The following SMAD1 variants were observed in gnomAD, a reference collection of about 807,000 sequenced individuals.
SMAD1 encodes the protein SMAD family member 1.
Under a neutral mutation model 41.6 loss-of-function variants are expected in SMAD1, and 6 were observed. The observed-to-expected ratio is 0.14, with a 90% confidence interval of 0.08 to 0.28. The LOEUF (loss-of-function observed/expected upper bound fraction) is 0.28, where lower values mean the gene tolerates loss of function less well. Ranked by LOEUF, SMAD1 falls within the 10% of genes least tolerant of loss-of-function variation. SMAD1 has a pLI of 1.00. For synonymous variants in SMAD1, 206 were observed against 203.2 expected, an observed-to-expected ratio of 1.01 and a Z score of -0.12; for missense variants, 379 against 582.6, an observed-to-expected ratio of 0.65 and a Z score of 3.60.
intron 1 of SMAD1, chr4:145,503,861 G>A (rs1210626567): frequency 1.3e-5 from 2 of 152,256 alleles, no homozygotes; most frequent in African/African-American, 2.4e-5. Flanking sequence ...GTGCATGTAG[G>A]TGTGTGTGTG....
chr4:145,492,053 A>G (rs1406582240), intron 1 of SMAD1, among the ~76,000 whole-genome samples: 1 of 152,236 alleles, frequency 6.6e-6, no homozygotes, highest in African/African-American at 2.4e-5. Context: ...TTAATTTTAC[A>G]AATTTTTTTA....
chr4:145,537,104 C>T (rs1731655687), intron 2 of SMAD1, among the ~76,000 whole-genome samples: 1 of 151,934 alleles, frequency 6.6e-6, no homozygotes, highest in Non-Finnish European at 1.5e-5. Flanking sequence ...AATATGACAA[C>T]GAAGTACAAT....
intron 4 of SMAD1, chr4:145,546,167 A>G (rs1302143690): frequency 6.4e-6 from 1 of 155,928 alleles, no homozygotes; most frequent in Non-Finnish European, 1.4e-5. Context: ...GCAACTTAAT[A>G]TGAGGTAAAG....
chr4:145,536,479 C>T (rs1731619900), intron 2 of SMAD1, among the ~76,000 whole-genome samples: 1 of 152,062 alleles, frequency 6.6e-6, no homozygotes, highest in Admixed American at 6.6e-5. Flanking sequence ...ATGGCCAAAT[C>T]TAAGACAATA....
intron 1 of SMAD1, among the ~76,000 whole-genome samples, chr4:145,487,146 AT>A (rs1228744197): frequency 6.6e-6 from 1 of 152,128 alleles, no homozygotes; most frequent in African/African-American, 2.4e-5. Flanking sequence ...ATGAGACCTT[AT>A]TAGAAAATGG....
chr4:145,554,348 A>G (rs796272422), intron 6 of SMAD1, among the ~76,000 whole-genome samples: 10 of 152,286 alleles, frequency 6.6e-5, no homozygotes, highest in African/African-American at 1.9e-4. Context: ...TTAACATATA[A>G]TTTAAATACA....
intron 1 of SMAD1, among the ~76,000 whole-genome samples, chr4:145,492,259 C>T (rs1426455888): frequency 6.6e-6 from 1 of 152,108 alleles, no homozygotes; most frequent in South Asian, 2.1e-4. Flanking sequence ...GCCTCAGATC[C>T]CACAGATTGA....
intron 2 of SMAD1, among the ~76,000 whole-genome samples, chr4:145,526,336 C>G (rs1294852173): frequency 6.6e-6 from 1 of 152,190 alleles, no homozygotes; most frequent in East Asian, 1.9e-4. Context: ...AGCTTTGTAG[C>G]AGATTTTGCA....
intron 1 of SMAD1, among the ~76,000 whole-genome samples, chr4:145,508,402 A>T (rs1480985649): frequency 2.0e-5 from 3 of 152,130 alleles, no homozygotes; most frequent in African/African-American, 4.8e-5. Flanking sequence ...TGTCTACATA[A>T]CTTTGGACAA....
chr4:145,530,400 G>A (rs987967267), intron 2 of SMAD1, among the ~76,000 whole-genome samples: 1 of 152,158 alleles, frequency 6.6e-6, no homozygotes, highest in African/African-American at 2.4e-5. Context: ...TCTGAACTAG[G>A]TTATGGAGTC....
At chr4:145,544,031 G>A (rs1198247922) in intron 4 of SMAD1, 2 of 152,116 alleles carry the variant, frequency 1.3e-5, no homozygotes, top group East Asian at 1.9e-4. Flanking sequence ...AGTGGTAACT[G>A]CATGTCATTA....
intron 1 of SMAD1, among the ~76,000 whole-genome samples, chr4:145,494,239 C>T (rs763350732): frequency 3.9e-5 from 6 of 152,174 alleles, no homozygotes; most frequent in Non-Finnish European, 8.8e-5. Context: ...GGATTACAGG[C>T]GTGAGCCACC....
intron 2 of SMAD1, among the ~76,000 whole-genome samples, chr4:145,525,453 G>A (rs1730974220): frequency 6.6e-6 from 1 of 152,226 alleles, no homozygotes; most frequent in Non-Finnish European, 1.5e-5. Context: ...GATACCATGA[G>A]CACTGTGGTA....
At chr4:145,494,101 G>C (rs530995245) in intron 1 of SMAD1, among the ~76,000 whole-genome samples, 18 of 151,962 alleles carry the variant, frequency 1.2e-4, no homozygotes, top group African/African-American at 4.3e-4. Context: ...AGCTGGGATT[G>C]CAGGTGCCCG....
intron 6 of SMAD1, among the ~76,000 whole-genome samples, chr4:145,556,768 A>G (rs1016791): frequency 0.58 from 87,502 of 151,994 alleles, 26,009 homozygotes; most frequent in African/African-American, 0.69. Context: ...TTGACTCACA[A>G]CAACTTCCGC....
At chr4:145,498,971 G>A (rs892700755) in intron 1 of SMAD1, among the ~76,000 whole-genome samples, 1 of 152,156 alleles carries the variant, frequency 6.6e-6, no homozygotes, top group African/African-American at 2.4e-5. Context: ...GCCGTGGCTG[G>A]TTTTTCCCAT....
intron 4 of SMAD1, among the ~76,000 whole-genome samples, chr4:145,543,005 G>A (rs552334442): frequency 6.7e-6 from 1 of 149,820 alleles, no homozygotes; most frequent in East Asian, 2.0e-4. Context: ...ACGGAGTTTT[G>A]CTCTGGTCAC....
intron 1 of SMAD1, chr4:145,483,298 G>A (rs1327598269): frequency 1.3e-5 from 2 of 152,034 alleles, no homozygotes; most frequent in Admixed American, 6.6e-5. Flanking sequence ...ATTTCTTCCT[G>A]TTGCTGAAAC....
At chr4:145,517,634 T>G (rs1730493927) in intron 2 of SMAD1, among the ~76,000 whole-genome samples, 2 of 152,204 alleles carry the variant, frequency 1.3e-5, no homozygotes, top group South Asian at 4.1e-4. Flanking sequence ...GTGATGCTGA[T>G]TTTTAATTTA....
Sources: gnomAD v4.1 joint callset for allele counts (sites outside exome capture counted in the v4.1 genomes callset) on GRCh38, gnomAD v4.1.1 for gene constraint, MANE v1.5 for transcripts, NCBI Gene and HGNC (gene_info 2026-07-23, HGNC 2026-07-21) for gene names.